Variants in TMEM131 observed in about 807,000 individuals in gnomAD.
TMEM131 encodes transmembrane protein 131, also known as 2610524E03Rik.
A neutral mutation model predicts 211.6 loss-of-function variants in TMEM131; 66 were observed. The observed-to-expected ratio is 0.31, with a 90% CI of 0.26 to 0.38. The LOEUF (loss-of-function observed/expected upper bound fraction) is 0.38. TMEM131 is among the 10% of genes least tolerant of loss of function. The pLI is 1.00. For missense variants in TMEM131, 2,036 were observed against 2,299.3 expected (o/e 0.89, Z 2.34); for synonymous variants, 844 against 841.3 (o/e 1.00, Z -0.06).
At chr2:97,905,194 T>C (rs1198328878) in intron 3 of TMEM131, among the ~76,000 whole-genome samples, 1 of 152,218 alleles carries the variant, frequency 6.6e-6, no homozygotes, top group Non-Finnish European at 1.5e-5. Flanking sequence ...TGTCTTCATT[T>C]TTTTTGAAGG....
At chr2:97,970,035 T>C (rs1442843765) in intron 1 of TMEM131, among the ~76,000 whole-genome samples, 1 of 152,198 alleles carries the variant, frequency 6.6e-6, no homozygotes, top group East Asian at 1.9e-4. Context: ...GTTATAGTAC[T>C]GCTGAAACAC....
intron 1 of TMEM131, among the ~76,000 whole-genome samples, chr2:97,994,158 G>A (rs17025339): frequency 0.025 from 3,830 of 152,268 alleles, 165 homozygotes; most frequent in African/African-American, 0.088. Flanking sequence ...AAAATGCTAG[G>A]TGCCACGATC....
chr2:97,826,050 G>A (rs953361690), intron 11 of TMEM131, among the ~76,000 whole-genome samples: 3 of 152,296 alleles, frequency 2.0e-5, no homozygotes, highest in South Asian at 2.1e-4. Context: ...CATGACTGCT[G>A]ACAAATTATA....
At chr2:97,815,563 A>G (rs936387047) in intron 12 of TMEM131, among the ~76,000 whole-genome samples, 1 of 152,180 alleles carries the variant, frequency 6.6e-6, no homozygotes, top group African/African-American at 2.4e-5. Flanking sequence ...AAAACACTGT[A>G]CCTAAGCTGC....
chr2:97,858,266 A>C (rs1346492418), intron 5 of TMEM131, among the ~76,000 whole-genome samples: 4 of 152,126 alleles, frequency 2.6e-5, no homozygotes, highest in African/African-American at 9.7e-5. Context: ...GGTCCTATTC[A>C]TTTACTTCCC....
Position 97,821,693 on chromosome 2 carries a change from G to T in TMEM131, c.1075-2972C>A, listed in dbSNP as rs1471747997. ...TATCGCCAAGCAGTGAGCACCACTG[G>T]ACCCCTTTCACTTGCTATTCTGTCC... On this transcript the variant is annotated intron_variant, in intron 11 of 40. Transcript: ENST00000186436. 2.6e-5 allele frequency among the ~76,000 whole-genome samples: 4 copies of T among 152,198 alleles called. No individual in the cohort carries two copies. The East Asian group carries it at 7.7e-4, about 29-fold the overall frequency.
intron 31 of TMEM131, among the ~76,000 whole-genome samples, chr2:97,780,297 G>A (rs994821651): frequency 6.6e-6 from 1 of 152,088 alleles, no homozygotes; most frequent in African/African-American, 2.4e-5. Flanking sequence ...TCAATCAATC[G>A]GTAGGAATGG....
At chr2:97,773,534 A>G (rs1679566672) in intron 32 of TMEM131, among the ~76,000 whole-genome samples, 1 of 152,226 alleles carries the variant, frequency 6.6e-6, no homozygotes, top group Admixed American at 6.5e-5. Context: ...CAGGACCAGG[A>G]AAGTACAGAA....
intron 1 of TMEM131, among the ~76,000 whole-genome samples, chr2:97,971,727 TG>T (rs1235484111): frequency 2.0e-5 from 3 of 152,200 alleles, no homozygotes; most frequent in Non-Finnish European, 4.4e-5. Context: ...CTGGGCATGG[TG>T]GTGCATGCCT....
At chr2:97,946,995 T>C (rs936469257) in intron 1 of TMEM131, among the ~76,000 whole-genome samples, 3 of 151,726 alleles carry the variant, frequency 2.0e-5, no homozygotes, top group South Asian at 2.1e-4. Context: ...ACAAAAAACA[T>C]TGGACAAAAT....
chr2:97,849,130 C>T (rs538621305), intron 5 of TMEM131, among the ~76,000 whole-genome samples: 9 of 152,090 alleles, frequency 5.9e-5, no homozygotes, highest in South Asian at 2.1e-4. Flanking sequence ...CTGAGTGACT[C>T]GCATCACAAA....
chr2:97,984,491 G>C (rs970969823), intron 1 of TMEM131, among the ~76,000 whole-genome samples: 1 of 151,910 alleles, frequency 6.6e-6, no homozygotes, highest in Non-Finnish European at 1.5e-5. Context: ...CAGGAAGTGT[G>C]GTACCAACAT....
At position 97,855,785 on chromosome 2, in the gene TMEM131, T is replaced by C. The variant is rs186095490; in HGVS notation, c.483+3519A>G. ...TGTCATGTATATTATTCCAGATCAA[T>C]AGACAGAGACCTATTTCATTCTCTT... On this transcript the variant is annotated intron_variant, in intron 5 of 40. Coordinates refer to ENST00000186436, the MANE Select transcript of TMEM131 (RefSeq NM_015348.2). Among the ~76,000 whole-genome samples the C allele has an allele frequency of 1.4e-3, 208 of 152,274 alleles. 1 individual carries two copies. Among genetic ancestry groups the C allele is most frequent in the Admixed American group, 5.6e-3 (86 of 15,296 alleles).
intron 2 of TMEM131, among the ~76,000 whole-genome samples, chr2:97,920,970 AGTGTGTGTGTGTGTGTGTGT>A (rs57343769): frequency 6.8e-6 from 1 of 146,722 alleles, no homozygotes; most frequent in East Asian, 2.0e-4. Context: ...AAAAATCCCG[AGTGTGTGTGTGTGTGTGTGT>A]GTGTGTGTGT....
At chr2:97,790,863 T>C (rs2104878225) in intron 31 of TMEM131, among the ~76,000 whole-genome samples, 1 of 152,354 alleles carries the variant, frequency 6.6e-6, no homozygotes, top group South Asian at 2.1e-4. Flanking sequence ...CTTACTGTTT[T>C]ACAAATCCGA....
Position 97,766,572 on chromosome 2 carries a change from C to T in TMEM131, c.4479G>A (p.Leu1493=), listed in dbSNP as rs1435802704. 1 of 1,613,864 alleles carries T rather than the reference C, an allele frequency of 6.2e-7. No individual in the cohort carries two copies. Among genetic ancestry groups the T allele is most frequent in the East Asian group, 2.2e-5 (1 of 44,872 alleles). ...SSLELPYTPP[L]ESKQRRNLPS... is the part of the protein sequence containing the mutation. The stretch of plus-strand genomic sequence containing the variant: ...GGAGATTTCTACGTTGCTTACTTTC[C>T]AAAGGGGGAGTATATGGTAGTTCTA... Residue 1493 remains leucine, a synonymous_variant, in exon 34 of 41, where the codon TTG becomes TTA. Transcript: ENST00000186436.
intron 1 of TMEM131, among the ~76,000 whole-genome samples, chr2:97,955,336 G>C (rs1014596127): frequency 6.6e-6 from 1 of 152,058 alleles, no homozygotes; most frequent in Admixed American, 6.5e-5. Flanking sequence ...ACTTGACAAA[G>C]AGCATCTGCA....
intron 3 of TMEM131, among the ~76,000 whole-genome samples, chr2:97,897,467 A>C (rs1400577702): frequency 6.6e-6 from 1 of 152,122 alleles, no homozygotes; most frequent in Non-Finnish European, 1.5e-5. Flanking sequence ...TAATGTGCTG[A>C]ACAGATGCTG....
At position 97,927,862 on chromosome 2, in the gene TMEM131, C is replaced by A. The variant is rs568077315; in HGVS notation, c.188-375G>T. 8.5e-5 allele frequency among the ~76,000 whole-genome samples: 13 copies of A among 152,072 alleles called. No individual in the cohort carries two copies. In the South Asian group the frequency reaches 2.7e-3, roughly 32 times the overall value. ...AGATCACTACAGTATTATATTTCCC[C>A]CAAGAAATGATCAGCTGAAATTCGG... is the stretch of plus-strand genomic sequence containing the variant. On this transcript the variant is annotated intron_variant, in intron 1 of 40. Coordinates refer to ENST00000186436, the MANE Select transcript of TMEM131 (RefSeq NM_015348.2).
Sources: allele counts gnomAD v4.1 joint callset (sites outside exome capture counted in the v4.1 genomes callset), GRCh38; gene constraint gnomAD v4.1.1; transcripts MANE v1.5; gene names NCBI Gene and HGNC (gene_info 2026-07-23, HGNC 2026-07-21).